OXR1: variants seen among roughly 807,000 people sequenced by gnomAD.
OXR1 encodes the protein oxidation resistance protein 1.
Under a neutral mutation model 104.6 loss-of-function variants are expected in OXR1, and 41 were observed. That is an observed-to-expected ratio of 0.39 (90% CI 0.31 to 0.51). The LOEUF is 0.51. Among genes scored for constraint, OXR1 ranks in the 20% least tolerant of loss-of-function variants. The probability of loss-of-function intolerance (pLI) is 0.77; values close to 1 mark genes in which losing one functional copy is unlikely to be tolerated. For missense variants in OXR1, 955 were observed against 1,031.9 expected (o/e 0.93, Z 1.02); for synonymous variants, 348 against 348.4 (o/e 1.00, Z 0.01).
chr8:106,688,065 A>AT (rs1268745504), intron 6 of OXR1, among the ~76,000 whole-genome samples: 1 of 152,156 alleles, frequency 6.6e-6, no homozygotes, highest in Non-Finnish European at 1.5e-5. Flanking sequence ...TAAATCTCTC[A>AT]TTTTTTGAAT....
intron 3 of OXR1, among the ~76,000 whole-genome samples, chr8:106,607,703 A>AC (rs1261571519): frequency 6.6e-6 from 1 of 152,214 alleles, no homozygotes; most frequent in Non-Finnish European, 1.5e-5. Context: ...TTAAGCAGCC[A>AC]CCATATGCCA....
At chr8:106,464,659 G>A (rs772986571) in intron 2 of OXR1, among the ~76,000 whole-genome samples, 5 of 152,084 alleles carry the variant, frequency 3.3e-5, no homozygotes, top group Non-Finnish European at 5.9e-5. Context: ...ACTCTTGGCA[G>A]TCAGTCCATC....
intron 4 of OXR1, among the ~76,000 whole-genome samples, chr8:106,679,577 A>G (rs1475501523): frequency 6.6e-6 from 1 of 152,034 alleles, no homozygotes; most frequent in Non-Finnish European, 1.5e-5. Context: ...TTAGGCTTTT[A>G]GGAAAATTTT....
At chr8:106,460,141 T>C (rs564157445) in intron 2 of OXR1, among the ~76,000 whole-genome samples, 1 of 152,340 alleles carries the variant, frequency 6.6e-6, no homozygotes, top group Non-Finnish European at 1.5e-5. Flanking sequence ...TGTCACTTGC[T>C]ACTCACGTTA....
chr8:106,369,432 T>C (rs1816616301), intron 2 of OXR1, among the ~76,000 whole-genome samples: 1 of 152,260 alleles, frequency 6.6e-6, no homozygotes, highest in South Asian at 2.1e-4. Context: ...TTGGCTTTTG[T>C]TGCAATTGTT....
intron 11 of OXR1, among the ~76,000 whole-genome samples, chr8:106,727,005 GC>G (rs1277053761): frequency 2.0e-5 from 3 of 152,242 alleles, no homozygotes; most frequent in South Asian, 4.1e-4. Context: ...TTTGGAAGAT[GC>G]CCCCAAAGCA....
intron 2 of OXR1, among the ~76,000 whole-genome samples, chr8:106,457,810 A>G (rs746910571): frequency 2.6e-5 from 4 of 152,214 alleles, no homozygotes; most frequent in Non-Finnish European, 4.4e-5. Flanking sequence ...AAAATGGCAA[A>G]GAAGTTGGCT....
chr8:106,698,009 G>A lies in OXR1; in HGVS notation c.676-4897G>A, dbSNP rs990551913. 10 of 1,612,014 alleles carry A rather than the reference G, an allele frequency of 6.2e-6. No homozygotes were observed. The African/African-American group carries it at 8.0e-5, about 13-fold the overall frequency. On this transcript the variant is annotated intron_variant, in intron 7 of 16. Coordinates refer to ENST00000517566, the MANE Select transcript of OXR1 (RefSeq NM_001198533.2). ...AGGCCATAATGCAGGTCCCCTGTTG[G>A]CCATTCCAATGGGTGGCGGTGGCTG...
intron 3 of OXR1, among the ~76,000 whole-genome samples, chr8:106,535,787 A>G (rs1214644132): frequency 6.6e-6 from 1 of 152,224 alleles, no homozygotes; most frequent in African/African-American, 2.4e-5. Context: ...AATTATAATA[A>G]TAAGAAAAAC....
intron 3 of OXR1, among the ~76,000 whole-genome samples, chr8:106,611,392 C>A (rs1057489494): frequency 6.6e-6 from 1 of 152,188 alleles, no homozygotes; most frequent in Non-Finnish European, 1.5e-5. Context: ...AGTGAATGTG[C>A]TTTGTCAGGT....
rs887673394 is a variant in OXR1 at position 106,582,981 on chromosome 8, C to T, written c.220+63842C>T. Among the ~76,000 whole-genome samples, 10 of 152,250 alleles carry T rather than the reference C, an allele frequency of 6.6e-5. No individual in the cohort carries two copies. The East Asian group carries it at 1.9e-3, about 29-fold the overall frequency. On this transcript the variant is annotated intron_variant, in intron 3 of 16. Transcript: ENST00000517566. ...ACAAAGTTCCATTTCCATTGCTTCT[C>T]TACTTCTATGACATAATGTGGTTAT...
At chr8:106,385,033 TTAAAA>T (rs1817315291) in intron 2 of OXR1, among the ~76,000 whole-genome samples, 1 of 152,198 alleles carries the variant, frequency 6.6e-6, no homozygotes, top group African/African-American at 2.4e-5. Flanking sequence ...AATTCTTAAC[TTAAAA>T]TAATATTAAA....
chr8:106,636,184 G>A (rs981153110), intron 3 of OXR1, among the ~76,000 whole-genome samples: 3 of 152,080 alleles, frequency 2.0e-5, no homozygotes, highest in African/African-American at 4.8e-5. Flanking sequence ...TTATAAGTGC[G>A]AACTAAGGCC....
intron 3 of OXR1, among the ~76,000 whole-genome samples, chr8:106,564,058 C>T (rs548166948): frequency 1.8e-4 from 27 of 152,042 alleles, no homozygotes; most frequent in Middle Eastern, 3.4e-3. Flanking sequence ...AATCGACATC[C>T]TAAGATCACA....
chr8:106,434,218 G>T (rs540800166), intron 2 of OXR1, among the ~76,000 whole-genome samples: 1 of 152,138 alleles, frequency 6.6e-6, no homozygotes, highest in East Asian at 1.9e-4. Context: ...GTTTGTGTGA[G>T]CATGTATAGC....
Position 106,393,504 on chromosome 8 carries a change from T to C in OXR1, c.23+33868T>C, listed in dbSNP as rs907565430. ...ACAGTCTATGTTAAAAGTCTTTCCA[T>C]TGCTATAAGAAACAGTCGATAGAAA... On this transcript the variant is annotated intron_variant, in intron 2 of 16. Transcript: ENST00000517566. 2.0e-5 allele frequency among the ~76,000 whole-genome samples: 3 copies of C among 152,278 alleles called. No homozygotes were observed. In the South Asian group the frequency reaches 6.2e-4, roughly 32 times the overall value.
In OXR1 at chr8:106,472,633, G is replaced by C. The variant is rs377458945; in HGVS notation, c.24-46310G>C. Among the ~76,000 whole-genome samples the C allele has an allele frequency of 3.3e-5, 5 of 151,886 alleles. No homozygotes were observed. The East Asian group carries it at 7.8e-4, about 24-fold the overall frequency. ...AGGTATGTCTACATGCAGACAACTT[G>C]CTATCCCATGCTTAGGTAAAGGAAG... On this transcript the variant is annotated intron_variant, in intron 2 of 16. Coordinates refer to ENST00000517566, the MANE Select transcript of OXR1 (RefSeq NM_001198533.2).
chr8:106,469,953 T>G (rs1044120988), intron 2 of OXR1, among the ~76,000 whole-genome samples: 2 of 151,646 alleles, frequency 1.3e-5, no homozygotes, highest in African/African-American at 4.8e-5. Flanking sequence ...GCGAAACAGG[T>G]ATCTGTGGGG....
At chr8:106,429,515 C>G (rs2130558861) in intron 2 of OXR1, among the ~76,000 whole-genome samples, 1 of 152,058 alleles carries the variant, frequency 6.6e-6, no homozygotes, top group Non-Finnish European at 1.5e-5. Context: ...CAAAAATTAG[C>G]CAGGCATGGT....
Sources: allele counts gnomAD v4.1 joint callset (sites outside exome capture counted in the v4.1 genomes callset), GRCh38; gene constraint gnomAD v4.1.1; transcripts MANE v1.5; gene names NCBI Gene and HGNC (gene_info 2026-07-23, HGNC 2026-07-21).